The following PI4K2B variants were observed in gnomAD, a reference collection of about 807,000 sequenced individuals.
PI4K2B encodes phosphatidylinositol 4-kinase type 2 beta.
Under a neutral mutation model 56.6 loss-of-function variants are expected in PI4K2B, and 46 were observed. The ratio of observed to expected loss-of-function variants is 0.81; its 90% confidence interval spans 0.64 to 1.04. The LOEUF is 1.04. PI4K2B is among the 50% of genes least tolerant of loss of function. The pLI, the probability that PI4K2B is intolerant of heterozygous loss-of-function variation, is 0.00. For missense variants in PI4K2B, 556 were observed against 607.7 expected (o/e 0.91, Z 0.89); for synonymous variants, 211 against 223.8 (o/e 0.94, Z 0.51).
rs903371037 is a variant in PI4K2B, at chr4:25,278,440, T to G, written c.*1253T>G. The G allele has an allele frequency of 6.6e-6, 1 of 152,260 alleles. No individual in the cohort carries two copies. Among genetic ancestry groups the G allele is most frequent in the Non-Finnish European group, 1.5e-5 (1 of 68,042 alleles). 9.4% of individuals were successfully genotyped at this position (152,260 alleles called of 1,614,324 possible). ...TAGGCCTTTTGTTTTCTAAGCTTAC[T>G]ATCTTGTGTTTGTTTATTTGCTTTT... is the stretch of plus-strand genomic sequence containing the variant. On this transcript the variant is annotated 3_prime_UTR_variant, in exon 10 of 10. Coordinates refer to ENST00000264864, the MANE Select transcript of PI4K2B (RefSeq NM_018323.4).
chr4:25,257,286 T>C (rs1396509784), intron 4 of PI4K2B, among the ~76,000 whole-genome samples: 2 of 152,046 alleles, frequency 1.3e-5, no homozygotes, highest in Non-Finnish European at 2.9e-5. Context: ...GGTCTTGAAT[T>C]CCTGGGCTGA....
Position 25,234,294 on chromosome 4 carries a change from G to A in PI4K2B, c.131G>A (p.Gly44Asp). The change falls in exon 1 of 10, where the codon GGC (glycine) becomes GAC (aspartate). Residue 44 changes from glycine (G) to aspartate (D), a missense_variant. Coordinates refer to ENST00000264864, the MANE Select transcript of PI4K2B (RefSeq NM_018323.4). ...AWAHPRRGAPGSAVRLLDAAG... is the reference protein window; with the variant it reads ...AWAHPRRGAPDSAVRLLDAAG... ...GCCCACCCGCGGAGAGGCGCCCCAGGCAGCGCCGTGAGGCTGCTGGACGCT... is the reference window on the plus strand; with the variant it reads ...GCCCACCCGCGGAGAGGCGCCCCAGACAGCGCCGTGAGGCTGCTGGACGCT... 1 of 1,417,416 alleles carries A rather than the reference G, an allele frequency of 7.1e-7. No individual in the cohort carries two copies. Among genetic ancestry groups the A allele is most frequent in the Non-Finnish European group, 9.2e-7 (1 of 1,081,828 alleles). The allele number at this position is 1,417,416 out of a possible 1,614,324, so 87.8% of individuals were successfully genotyped here.
At chr4:25,270,638 G>T (rs1057342314) in intron 9 of PI4K2B, among the ~76,000 whole-genome samples, 2 of 152,030 alleles carry the variant, frequency 1.3e-5, no homozygotes, top group African/African-American at 4.8e-5. Context: ...GTGCCACCGT[G>T]CCCAGCCCCT....
chr4:25,261,002 C>T (rs931769544), intron 6 of PI4K2B, among the ~76,000 whole-genome samples: 13 of 151,610 alleles, frequency 8.6e-5, no homozygotes, highest in African/African-American at 2.9e-4. Context: ...GCCACCACAC[C>T]CAGCCAGTTC....
chr4:25,275,274 C>T (rs1408897762), intron 9 of PI4K2B, among the ~76,000 whole-genome samples: 5 of 152,228 alleles, frequency 3.3e-5, no homozygotes, highest in East Asian at 1.9e-4. Context: ...TGTGCTAGTG[C>T]ACACTTTTAT....
intron 1 of PI4K2B, among the ~76,000 whole-genome samples, chr4:25,243,669 G>A (rs923251198): frequency 4.6e-5 from 7 of 152,234 alleles, no homozygotes; most frequent in Non-Finnish European, 1.0e-4. Context: ...TGACCCTCGA[G>A]TGATTCAGGT....
chr4:25,260,928 G>A (rs1553890318), intron 6 of PI4K2B, among the ~76,000 whole-genome samples: 1 of 142,016 alleles, frequency 7.0e-6, no homozygotes, highest in East Asian at 2.0e-4. Context: ...GGCTGGTCTC[G>A]AACTTCTGGC....
At chr4:25,235,669 A>C (rs1013610717) in intron 1 of PI4K2B, among the ~76,000 whole-genome samples, 5 of 152,238 alleles carry the variant, frequency 3.3e-5, no homozygotes, top group African/African-American at 1.2e-4. Context: ...GCCTAGCTAC[A>C]TTGGCAATTT....
intron 1 of PI4K2B, among the ~76,000 whole-genome samples, chr4:25,252,017 GTT>G (rs1716076911): frequency 6.6e-6 from 1 of 152,122 alleles, no homozygotes; most frequent in Non-Finnish European, 1.5e-5. Flanking sequence ...TAGACACGGG[GTT>G]TTGCCATGTT....
At chr4:25,268,732 G>C (rs1716757664) in intron 8 of PI4K2B, among the ~76,000 whole-genome samples, 156 bp downstream of exon 8, 1 of 152,188 alleles carries the variant, frequency 6.6e-6, no homozygotes, top group Non-Finnish European at 1.5e-5. Flanking sequence ...ATTTACAGGA[G>C]CATAGATTCA....
intron 6 of PI4K2B, among the ~76,000 whole-genome samples, chr4:25,262,252 G>A (rs1716507173): frequency 6.6e-6 from 1 of 152,178 alleles, no homozygotes; most frequent in African/African-American, 2.4e-5. Flanking sequence ...GAGGTGGGAG[G>A]ATTGCTTGGG....
intron 3 of PI4K2B, among the ~76,000 whole-genome samples, chr4:25,256,126 C>T (rs968337409): frequency 1.3e-5 from 2 of 152,194 alleles, no homozygotes; most frequent in Non-Finnish European, 2.9e-5. Flanking sequence ...CCATGTTGCC[C>T]AGGCTGGTCT....
At chr4:25,250,113 G>T (rs891776968) in intron 1 of PI4K2B, among the ~76,000 whole-genome samples, 9 of 152,328 alleles carry the variant, frequency 5.9e-5, no homozygotes, top group African/African-American at 2.2e-4. Flanking sequence ...CAGGCACTTG[G>T]CAGGCTGAGG....
At chr4:25,250,594 C>T (rs1716011106) in intron 1 of PI4K2B, 1 of 152,166 alleles carries the variant, frequency 6.6e-6, no homozygotes, top group African/African-American at 2.4e-5. Flanking sequence ...CTGTTCTTAC[C>T]AGTTTAATAC....
In PI4K2B at chr4:25,278,481, G is replaced by A. The variant is rs115581657; in HGVS notation, c.*1294G>A. On this transcript the variant is annotated 3_prime_UTR_variant, in exon 10 of 10. Transcript: ENST00000264864. ...ATTTGCTTTTAATGAAGTATTTTGTGTAGAAGGTTAAATTAGGATGCAAAA... is the reference window on the plus strand; with the variant it reads ...ATTTGCTTTTAATGAAGTATTTTGTATAGAAGGTTAAATTAGGATGCAAAA... The A allele has an allele frequency of 0.012, 1,782 of 152,488 alleles. 14 individuals carry two copies. The highest frequency in any genetic ancestry group is 0.02 in the Middle Eastern group (6 of 294). 9.4% of individuals were successfully genotyped at this position (152,488 alleles called of 1,614,324 possible).
At position 25,234,173 on chromosome 4, in the gene PI4K2B, C is replaced by T. The variant is rs863223383; in HGVS notation, c.10C>T (p.Pro4Ser). Reference sequence around the variant, plus strand: ...GGAGCAGAGGGAGTCCATGGAGGATCCCTCCGAGCCCGACCGGTTGGCGTC... The same window carrying T: ...GGAGCAGAGGGAGTCCATGGAGGATTCCTCCGAGCCCGACCGGTTGGCGTC... MED[P>S]SEPDRLASAD... Residue 4 changes from proline (P) to serine (S), a missense_variant, in exon 1 of 10, where the codon CCC becomes TCC. Transcript: ENST00000264864. 2 of 1,378,050 alleles carry T rather than the reference C, an allele frequency of 1.5e-6. No individual in the cohort carries two copies. Among genetic ancestry groups the T allele is most frequent in the Non-Finnish European group, 1.9e-6 (2 of 1,064,574 alleles). The allele number at this position is 1,378,050 out of a possible 1,614,324, so 85.4% of individuals were successfully genotyped here.
intron 8 of PI4K2B, among the ~76,000 whole-genome samples, 178 bp from the exon 9 acceptor site, chr4:25,268,966 T>G (rs542970721): frequency 6.6e-6 from 1 of 152,334 alleles, no homozygotes; most frequent in East Asian, 1.9e-4. Flanking sequence ...ATAAGTCTAT[T>G]CGTGTCATTC....
At chr4:25,260,868 GAT>G (rs552228681) in intron 6 of PI4K2B, among the ~76,000 whole-genome samples, 12,410 of 86,916 alleles carry the variant, frequency 0.14, 597 homozygotes, top group African/African-American at 0.24. Context: ...CTTGATTCTT[GAT>G]TTTTTTTTTT....
chr4:25,259,358 T>C (rs915622640), intron 5 of PI4K2B, among the ~76,000 whole-genome samples, 168 bp downstream of exon 5: 11 of 152,206 alleles, frequency 7.2e-5, no homozygotes, highest in Non-Finnish European at 1.5e-4. Context: ...GAATTCATCC[T>C]GTGTGGGATA....
Sources: allele counts gnomAD v4.1 joint callset (sites outside exome capture counted in the v4.1 genomes callset), GRCh38; gene constraint gnomAD v4.1.1; transcripts MANE v1.5; gene names NCBI Gene and HGNC (gene_info 2026-07-23, HGNC 2026-07-21).